The following RTCA variants were observed in gnomAD, a reference collection of about 807,000 sequenced individuals.
RTCA encodes RNA 3'-terminal phosphate cyclase, also known as RNA terminal phosphate cyclase domain 1.
In RTCA, 37 loss-of-function variants were observed where a neutral mutation model predicts 46.1. That is an observed-to-expected ratio of 0.80 (90% CI 0.62 to 1.06). The LOEUF is 1.06. Ranked by LOEUF, RTCA falls within the 50% of genes least tolerant of loss-of-function variation. The pLI is 0.00. For missense variants in RTCA, 435 were observed against 455.5 expected, an observed-to-expected ratio of 0.95 and a Z score of 0.41; for synonymous variants, 164 against 158.3, an observed-to-expected ratio of 1.04 and a Z score of -0.27.
intron 10 of RTCA, among the ~76,000 whole-genome samples, chr1:100,290,794 A>G (rs1051066159): frequency 2.0e-4 from 30 of 152,164 alleles, no homozygotes; most frequent in African/African-American, 6.8e-4. Flanking sequence ...AAAGCAAAAT[A>G]CAATGATACA....
At chr1:100,275,011 G>C (rs1666297535) in intron 6 of RTCA, 46 bp downstream of exon 6, 6 of 1,498,952 alleles carry the variant, frequency 4.0e-6, no homozygotes, top group Non-Finnish European at 5.4e-6. Flanking sequence ...TGTGTGTCTT[G>C]ATAAATATTA....
chr1:100,272,298 C>T (rs1666141821), intron 4 of RTCA, among the ~76,000 whole-genome samples: 1 of 152,116 alleles, frequency 6.6e-6, no homozygotes, highest in Non-Finnish European at 1.5e-5. Context: ...AGAGTTCCAG[C>T]TGAAGTGGGC....
At chr1:100,283,858 C>T (rs557632954) in intron 8 of RTCA, among the ~76,000 whole-genome samples, 33 of 130,448 alleles carry the variant, frequency 2.5e-4, no homozygotes, top group South Asian at 2.6e-4. Context: ...GAGGCTGAAG[C>T]GGGAGGATCA....
At chr1:100,290,569 G>A (rs1011105274) in intron 10 of RTCA, among the ~76,000 whole-genome samples, 7 of 152,128 alleles carry the variant, frequency 4.6e-5, no homozygotes, top group Non-Finnish European at 1.0e-4. Context: ...CTAGGAGTTT[G>A]AGCCTGGGCA....
intron 10 of RTCA, among the ~76,000 whole-genome samples, chr1:100,289,302 TTTTG>T (rs1557982541): frequency 1.3e-5 from 2 of 150,160 alleles, no homozygotes; most frequent in Admixed American, 6.7e-5. Flanking sequence ...CTAATTTTTT[TTTTG>T]TTTTTGTTTT....
In RTCA at chr1:100,270,568, T is replaced by A. The variant is rs1666028906; in HGVS notation, c.302T>A (p.Leu101His). 4 of 1,614,030 alleles carry A rather than the reference T, an allele frequency of 2.5e-6. No homozygotes were observed. Among genetic ancestry groups the A allele is most frequent in the Non-Finnish European group, 3.4e-6 (4 of 1,179,930 alleles). The change falls in exon 4 of 11, where the codon CTC (leucine) becomes CAC (histidine). Residue 101 changes from leucine to histidine, a missense_variant. Physicochemically the swap from Leu to His is moderately conservative, Grantham distance 99 (BLOSUM62 -3). Coordinates refer to ENST00000370128, the MANE Select transcript of RTCA (RefSeq NM_003729.4). Reference protein sequence around the residue: ...ADTKTAGSVCLLMQVSMPCVL... With the variant: ...ADTKTAGSVCHLMQVSMPCVL... ...TGCCTTCTCCTTAGGAGTGTGTGCC[T>A]CTTGATGCAGGTCTCAATGCCGTGT...
intron 4 of RTCA, among the ~76,000 whole-genome samples, chr1:100,270,961 T>C (rs12757431): frequency 0.76 from 115,706 of 151,640 alleles, 46,292 homozygotes; most frequent in East Asian, 0.94. Flanking sequence ...CCCAGCCAAT[T>C]TTTTTAAATT....
At chr1:100,287,929 G>A (rs1412339396) in intron 10 of RTCA, among the ~76,000 whole-genome samples, 2 of 151,940 alleles carry the variant, frequency 1.3e-5, no homozygotes. Flanking sequence ...AAGTAGCTAG[G>A]ATTACAGGCA....
At chr1:100,285,106 G>A in intron 8 of RTCA, 122 bp from the exon 9 acceptor site, 1 of 674,774 alleles carries the variant, frequency 1.5e-6, no homozygotes, top group Admixed American at 2.3e-5. Flanking sequence ...GCATTGAGTG[G>A]GTTTTTGAGG....
chr1:100,283,722 C>T (rs1471288981), intron 8 of RTCA, among the ~76,000 whole-genome samples: 1 of 151,798 alleles, frequency 6.6e-6, no homozygotes, highest in East Asian at 1.9e-4. Context: ...CCATTTCATT[C>T]AGTCACGTAA....
intron 8 of RTCA, among the ~76,000 whole-genome samples, chr1:100,281,699 G>A (rs545334917): frequency 1.5e-3 from 233 of 151,798 alleles, no homozygotes; most frequent in Middle Eastern, 3.4e-3. Context: ...GGTAATTCAG[G>A]GCATCTCTCT....
At chr1:100,286,454 CAAAAAAAA>C (rs754851046) in intron 9 of RTCA, among the ~76,000 whole-genome samples, 38 of 45,360 alleles carry the variant, frequency 8.4e-4, no homozygotes, top group Non-Finnish European at 1.5e-3. Flanking sequence ...GACTCCGTCT[CAAAAAAAA>C]AAAAAAAAAA....
At chr1:100,281,154 C>T in intron 8 of RTCA, 1 of 522,696 alleles carries the variant, frequency 1.9e-6, no homozygotes, top group South Asian at 1.4e-5. Flanking sequence ...GTCTCAGTTA[C>T]TATAACCATT....
intron 8 of RTCA, chr1:100,281,129 G>A: frequency 2.0e-6 from 1 of 504,122 alleles, no homozygotes; most frequent in East Asian, 5.6e-5. Flanking sequence ...TGTAACTAGA[G>A]ATGTCTTTAT....
intron 8 of RTCA, among the ~76,000 whole-genome samples, chr1:100,283,951 AAAAAAC>A (rs1666881226): frequency 2.3e-4 from 10 of 43,838 alleles, no homozygotes; most frequent in Non-Finnish European, 4.4e-4. Context: ...AAAAAAAAAG[AAAAAAC>A]AAGAAAAAAC....
chr1:100,286,337 G>A (rs558371616), intron 9 of RTCA, among the ~76,000 whole-genome samples: 4 of 151,060 alleles, frequency 2.6e-5, no homozygotes, highest in African/African-American at 9.7e-5. Flanking sequence ...GCCTGTAGTC[G>A]TAGCTACTCG....
chr1:100,272,666 TTGCCATTCTAATAGA>T (rs1424779640), intron 4 of RTCA, among the ~76,000 whole-genome samples: 4 of 152,152 alleles, frequency 2.6e-5, no homozygotes, highest in African/African-American at 9.7e-5. Flanking sequence ...CTCTGAAATA[TTGCCATTCTAATAGA>T]TGGTATAATC....
intron 4 of RTCA, among the ~76,000 whole-genome samples, chr1:100,272,632 A>G (rs954731934): frequency 6.6e-6 from 1 of 151,904 alleles, no homozygotes; most frequent in African/African-American, 2.4e-5. Flanking sequence ...GTTGCCTTAG[A>G]CATCAGGCTT....
chr1:100,274,630 G>T (rs1666272310), intron 5 of RTCA, among the ~76,000 whole-genome samples, 194 bp from the exon 6 acceptor site: 1 of 152,084 alleles, frequency 6.6e-6, no homozygotes, highest in Non-Finnish European at 1.5e-5. Context: ...ATATCTCAAG[G>T]CTACCACATT....
Sources: gnomAD v4.1 joint callset for allele counts (sites outside exome capture counted in the v4.1 genomes callset) on GRCh38, gnomAD v4.1.1 for gene constraint, MANE v1.5 for transcripts, NCBI Gene and HGNC (gene_info 2026-07-23, HGNC 2026-07-21) for gene names.